Variants in FAM193A observed in about 807,000 individuals in gnomAD.
The protein encoded by FAM193A is protein FAM193A.
Under a neutral mutation model 126.5 loss-of-function variants are expected in FAM193A, and 22 were observed. The observed-to-expected ratio is 0.17, with a 90% CI of 0.12 to 0.25. The LOEUF is 0.25. Ranked by LOEUF, FAM193A falls within the 10% of genes least tolerant of loss-of-function variation. The pLI is 1.00. For synonymous variants in FAM193A, 761 were observed against 646.8 expected (o/e 1.18, Z -2.68); for missense variants, 1,675 against 1,672.8 (o/e 1.00, Z -0.02).
chr4:2,700,001 C>G lies in FAM193A; in HGVS notation c.3829C>G (p.Pro1277Ala). ...TEEPETSSHS[P>A]SRHMNHSEPR... ...AGAACCAGAAACCTCTTCTCACTCCCCATCCAGGCATATGAACCACTCAGA... is the reference window on the plus strand; with the variant it reads ...AGAACCAGAAACCTCTTCTCACTCCGCATCCAGGCATATGAACCACTCAGA... Residue 1277 changes from proline to alanine, a missense_variant, in exon 19 of 21, where the codon CCA becomes GCA. This residue lies in a region of FAM193A where 415 missense variants were observed against 396.7 expected (regional missense o/e 1.05). Coordinates refer to ENST00000637812, the MANE Select transcript of FAM193A (RefSeq NM_001366318.2). 1.9e-6 allele frequency: 3 copies of G among 1,613,808 alleles called. No individual in the cohort carries two copies. The highest frequency in any genetic ancestry group is 1.7e-6 in the Non-Finnish European group (2 of 1,179,958).
intron 2 of FAM193A, among the ~76,000 whole-genome samples, chr4:2,613,415 T>C (rs1243681035): frequency 6.6e-5 from 10 of 150,530 alleles, no homozygotes; most frequent in African/African-American, 2.4e-4. Context: ...CCATGTGTAC[T>C]GTAAAAACTC....
rs1459143377 is a variant in FAM193A, at chr4:2,699,788, G to A, written c.3616G>A (p.Asp1206Asn). The A allele has an allele frequency of 3.7e-6, 6 of 1,613,882 alleles. No homozygotes were observed. The East Asian group carries it at 6.7e-5, about 18-fold the overall frequency. ...GGAGGAGGATGAGGAAGAAGAGGAG[G>A]ATCGTTTCAAGGAGGAATTTCAGCG... The part of the protein sequence containing the change: ...EEEEDEEEEE[D>N]RFKEEFQRLQ... Residue 1206 changes from aspartate (D) to asparagine (N), a missense_variant, in exon 19 of 21, where the codon GAT becomes AAT. Around this residue, in one of 4 missense-constraint regions of FAM193A, gnomAD observed 415 missense variants for 396.7 expected, o/e 1.05. Transcript: ENST00000637812.
At chr4:2,704,790 T>C (rs1718124800) in intron 19 of FAM193A, among the ~76,000 whole-genome samples, 1 of 152,208 alleles carries the variant, frequency 6.6e-6, no homozygotes, top group Non-Finnish European at 1.5e-5. Context: ...ATTTTTCTCC[T>C]CTAATTACAA....
At chr4:2,696,693 G>A (rs1577224540) in intron 18 of FAM193A, 100 bp downstream of exon 18, 2 of 879,114 alleles carry the variant, frequency 2.3e-6, no homozygotes, top group South Asian at 1.6e-5. Context: ...ACAGGAGGTC[G>A]GGGCTCTGAC....
At position 2,732,115 on chromosome 4, in the gene FAM193A, C is replaced by A. The variant is rs1721469130; in HGVS notation, c.*247C>A. On this transcript the variant is annotated 3_prime_UTR_variant, in exon 21 of 21. Transcript: ENST00000637812. ...GTCGGATTGGAACAGTAGTTCCCGC[C>A]AAGTCCTCCCACCACCGCGGCCTCG... is the stretch of plus-strand genomic sequence containing the variant. 3 of 528,090 alleles carry A rather than the reference C, an allele frequency of 5.7e-6. No homozygotes were observed. The highest frequency in any genetic ancestry group is 6.9e-6 in the Non-Finnish European group (2 of 291,394). 32.7% of individuals were successfully genotyped at this position (528,090 alleles called of 1,614,324 possible).
intron 1 of FAM193A, among the ~76,000 whole-genome samples, chr4:2,570,323 A>C (rs909169650): frequency 3.3e-5 from 5 of 152,140 alleles, no homozygotes; most frequent in African/African-American, 1.2e-4. Context: ...AAAGCAGTAC[A>C]TTCTATGAGT....
At chr4:2,718,224 A>G (rs1336024360) in intron 20 of FAM193A, among the ~76,000 whole-genome samples, 2 of 152,154 alleles carry the variant, frequency 1.3e-5, no homozygotes, top group Non-Finnish European at 2.9e-5. Context: ...GAGAAGATCA[A>G]CAAAGCTAAA....
chr4:2,719,533 GT>G (rs1719887952), intron 20 of FAM193A, among the ~76,000 whole-genome samples: 2 of 152,064 alleles, frequency 1.3e-5, no homozygotes, highest in African/African-American at 2.4e-5. Flanking sequence ...ATCACCTGAG[GT>G]TGGGAGTTTG....
chr4:2,590,134 CAAAAA>C (rs373845579), intron 1 of FAM193A, among the ~76,000 whole-genome samples: 1 of 106,550 alleles, frequency 9.4e-6, no homozygotes, highest in African/African-American at 3.4e-5. Context: ...GACTCTGTCT[CAAAAA>C]AAAAAAAAAA....
Position 2,662,904 on chromosome 4 carries a change from T to A in FAM193A, c.1812T>A (p.Asn604Lys), listed in dbSNP as rs1467381272. Residue 604 changes from asparagine (N) to lysine (K), a missense_variant, in exon 11 of 21, where the codon AAT becomes AAA. Asn to Lys is a moderately conservative substitution (Grantham distance 94). Coordinates refer to ENST00000637812, the MANE Select transcript of FAM193A (RefSeq NM_001366318.2). ...AKFADIYPLS[N>K]YDDTEVVANM... ...TTGCTGATATTTATCCATTGAGTAATTATGATGATACCGAGGTGGTGGCCA... is the reference window on the plus strand; with the variant it reads ...TTGCTGATATTTATCCATTGAGTAAATATGATGATACCGAGGTGGTGGCCA... 1.2e-6 allele frequency: 2 copies of A among 1,613,738 alleles called. No homozygotes were observed. The highest frequency in any genetic ancestry group is 2.7e-5 in the African/African-American group (2 of 74,978).
intron 1 of FAM193A, among the ~76,000 whole-genome samples, chr4:2,575,776 A>G (rs1396486795): frequency 6.6e-6 from 1 of 151,890 alleles, no homozygotes; most frequent in African/African-American, 2.4e-5. Context: ...AGATACTGGG[A>G]TTGTAACATT....
At chr4:2,577,690 A>T (rs1339552311) in intron 1 of FAM193A, among the ~76,000 whole-genome samples, 1 of 152,062 alleles carries the variant, frequency 6.6e-6, no homozygotes, top group African/African-American at 2.4e-5. Flanking sequence ...AAGTGCTGGG[A>T]TTACAGGTGT....
chr4:2,726,712 C>G (rs1220628858), intron 20 of FAM193A, among the ~76,000 whole-genome samples: 1 of 142,504 alleles, frequency 7.0e-6, no homozygotes, highest in Admixed American at 7.6e-5. Flanking sequence ...GGGTGGATCA[C>G]TTGAGGGTCA....
In FAM193A at chr4:2,661,100, G is replaced by A. The variant is rs34955167; in HGVS notation, c.1745+1046G>A. On this transcript the variant is annotated intron_variant, in intron 10 of 20. Coordinates refer to ENST00000637812, the MANE Select transcript of FAM193A (RefSeq NM_001366318.2). ...TGTCACAGCTGCTGATGTCAGTTAT[G>A]GTCTCTTGTGTCACGTGTGGTAGTG... is the stretch of plus-strand genomic sequence containing the variant. 3.3e-5 allele frequency among the ~76,000 whole-genome samples: 5 copies of A among 152,188 alleles called. 1 individual carries two copies. Among genetic ancestry groups the A allele is most frequent in the Non-Finnish European group, 5.9e-5 (4 of 68,028 alleles).
chr4:2,611,744 G>A (rs184230308), intron 2 of FAM193A, among the ~76,000 whole-genome samples: 51 of 152,126 alleles, frequency 3.4e-4, no homozygotes, highest in Non-Finnish European at 2.2e-4. Flanking sequence ...TATTAGACAG[G>A]CTTCACAAAC....
chr4:2,542,668 A>C (rs749887912), intron 1 of FAM193A, among the ~76,000 whole-genome samples: 2 of 152,182 alleles, frequency 1.3e-5, no homozygotes, highest in East Asian at 3.8e-4. Flanking sequence ...AACAGTATCA[A>C]CCAGAAACAG....
At chr4:2,606,401 C>G (rs898958850) in intron 2 of FAM193A, among the ~76,000 whole-genome samples, 6 of 152,196 alleles carry the variant, frequency 3.9e-5, no homozygotes, top group Non-Finnish European at 8.8e-5. Flanking sequence ...TTTCTTATAT[C>G]TGCCTCTGTG....
intron 13 of FAM193A, among the ~76,000 whole-genome samples, chr4:2,678,626 G>T (rs537526553): frequency 6.6e-6 from 1 of 152,210 alleles, no homozygotes; most frequent in East Asian, 1.9e-4. Context: ...GCTTCCCAAA[G>T]TGCTGGGATT....
At position 2,543,608 on chromosome 4, in the gene FAM193A, G is replaced by A. The variant is rs188668121; in HGVS notation, c.255+6438G>A. 3.2e-3 allele frequency among the ~76,000 whole-genome samples: 486 copies of A among 152,086 alleles called. 5 individuals carry two copies. The Middle Eastern group carries it at 0.068, about 21-fold the overall frequency. ...ATAGTGGCTCACGCCTGTAATCTTA[G>A]CACTTTGGGAGGCTGAGGTGGGCAG... On this transcript the variant is annotated intron_variant, in intron 1 of 20. Transcript: ENST00000637812.
Sources: allele counts gnomAD v4.1 joint callset (sites outside exome capture counted in the v4.1 genomes callset), GRCh38; gene constraint gnomAD v4.1.1; regional missense constraint gnomAD v4.1.1; transcripts MANE v1.5; gene names NCBI Gene and HGNC (gene_info 2026-07-23, HGNC 2026-07-21).